The following TIAM2 variants were observed in gnomAD, a reference collection of about 807,000 sequenced individuals.
TIAM2 encodes the protein TIAM Rac1 associated GEF 2.
Under a neutral mutation model 152.9 loss-of-function variants are expected in TIAM2, and 80 were observed. The observed-to-expected ratio is 0.52, with a 90% CI of 0.44 to 0.63. The LOEUF is 0.63. TIAM2 is among the 30% of genes least tolerant of loss of function. TIAM2 has a pLI of 0.00. For missense variants in TIAM2, 1,965 were observed against 2,120.1 expected (o/e 0.93, Z 1.44); for synonymous variants, 804 against 838.0 (o/e 0.96, Z 0.70).
intron 1 of TIAM2, among the ~76,000 whole-genome samples, chr6:155,028,690 AAT>A (rs573743428): frequency 3.1e-5 from 4 of 127,114 alleles, no homozygotes; most frequent in African/African-American, 1.3e-4. Context: ...TACTACATAT[AAT>A]ATATATACTG....
intron 7 of TIAM2, among the ~76,000 whole-genome samples, chr6:155,151,148 T>C (rs1473286879): frequency 6.6e-6 from 1 of 152,210 alleles, no homozygotes; most frequent in Non-Finnish European, 1.5e-5. Flanking sequence ...ATGGCAAGCC[T>C]GACTCCGGGT....
chr6:155,221,586 A>G (rs933408545), intron 15 of TIAM2, among the ~76,000 whole-genome samples: 1 of 152,208 alleles, frequency 6.6e-6, no homozygotes, highest in African/African-American at 2.4e-5. Flanking sequence ...GCAAACAGAA[A>G]GCCAAGTTCA....
intron 25 of TIAM2, 153 bp downstream of exon 25, chr6:155,254,213 A>C: frequency 5.1e-6 from 5 of 981,054 alleles, no homozygotes; most frequent in Non-Finnish European, 7.5e-6. Context: ...CTAGTAGGAG[A>C]CTATGTTGAT....
intron 4 of TIAM2, among the ~76,000 whole-genome samples, chr6:155,135,428 G>A (rs1005684127): frequency 6.6e-6 from 1 of 152,122 alleles, no homozygotes; most frequent in African/African-American, 2.4e-5. Context: ...AAGCCCACTA[G>A]CAGCTGAGTA....
rs1396202662 is a variant in TIAM2, at chr6:155,256,707, G to C, written c.4692G>C (p.Glu1564Asp). 6.2e-7 allele frequency: 1 copy of C among 1,614,108 alleles called. No individual in the cohort carries two copies. The highest frequency in any genetic ancestry group is 8.5e-7 in the Non-Finnish European group (1 of 1,180,054). ...LADFADNLIK[E>D]SDILSDEDDD... ...ATTTTGCCGACAATCTCATCAAAGA[G>C]AGTGACATCCTGAGCGATGAAGATG... The change falls in exon 27 of 27, where the codon GAG becomes GAC. Residue 1564 changes from glutamate to aspartate, a missense_variant. This residue lies in a region of TIAM2 where 935 missense variants were observed against 980.0 expected (regional missense o/e 0.95). Coordinates refer to ENST00000682666, the MANE Select transcript of TIAM2 (RefSeq NM_012454.4).
At chr6:155,149,094 G>A (rs936574287) in intron 7 of TIAM2, 2 of 167,164 alleles carry the variant, frequency 1.2e-5, no homozygotes, top group African/African-American at 4.8e-5. Context: ...GGAGGGACAA[G>A]TTGCATTGTG....
chr6:155,249,090 G>A (rs1326510228), intron 20 of TIAM2, among the ~76,000 whole-genome samples: 3 of 152,030 alleles, frequency 2.0e-5, no homozygotes, highest in African/African-American at 7.2e-5. Context: ...ATCTTTAGAA[G>A]GGTTTGATTT....
intron 9 of TIAM2, among the ~76,000 whole-genome samples, chr6:155,175,969 A>C (rs1196857539): frequency 6.6e-6 from 1 of 152,244 alleles, no homozygotes; most frequent in African/African-American, 2.4e-5. Context: ...GATTTCTGTC[A>C]GTGATGAGTC....
chr6:155,176,865 G>A lies in TIAM2; in HGVS notation c.2411G>A (p.Arg804Gln), dbSNP rs747478623. ...IYGSTVDGVP[R>Q]DNAWEIQTYV... ...GGTTCAACAGTAGACGGTGTTCCCC[G>A]AGACAATGCATGGGAAATCCAGACT... The change falls in exon 10 of 27, where the codon CGA becomes CAA. Residue 804 changes from arginine (R) to glutamine (Q), a missense_variant. Around this residue, in one of 3 missense-constraint regions of TIAM2, gnomAD observed 1,025 missense variants for 1,119.4 expected, o/e 0.92. Transcript: ENST00000682666. The A allele has an allele frequency of 1.2e-5, 20 of 1,613,914 alleles. No homozygotes were observed. In the African/African-American group the frequency reaches 2.0e-4, roughly 16 times the overall value.
chr6:155,042,859 T>C (rs1376960539), intron 1 of TIAM2, among the ~76,000 whole-genome samples: 1 of 152,158 alleles, frequency 6.6e-6, no homozygotes, highest in South Asian at 2.1e-4. Flanking sequence ...ATAGAGCTCT[T>C]GAACTTACTC....
intron 14 of TIAM2, among the ~76,000 whole-genome samples, chr6:155,198,343 A>G (rs1244625478): frequency 1.3e-5 from 2 of 152,200 alleles, no homozygotes; most frequent in Non-Finnish European, 2.9e-5. Context: ...GTAAATAGCT[A>G]TTGAGTGAAA....
intron 1 of TIAM2, among the ~76,000 whole-genome samples, chr6:155,046,492 C>T (rs550642329): frequency 8.5e-5 from 13 of 152,052 alleles, no homozygotes; most frequent in South Asian, 4.2e-4. Flanking sequence ...TGTGCCACCA[C>T]GCTGGGCTGA....
intron 1 of TIAM2, among the ~76,000 whole-genome samples, chr6:155,034,951 T>C (rs952855404): frequency 3.3e-5 from 5 of 152,222 alleles, no homozygotes; most frequent in Admixed American, 1.3e-4. Context: ...TATTTTTTAA[T>C]GTTTACAGGA....
chr6:155,178,163 A>AT (rs1308108465), intron 10 of TIAM2, among the ~76,000 whole-genome samples: 6 of 141,072 alleles, frequency 4.3e-5, no homozygotes, highest in Non-Finnish European at 9.2e-5. Flanking sequence ...TCCGTCTCAA[A>AT]TTAAAAAAAA....
intron 6 of TIAM2, among the ~76,000 whole-genome samples, chr6:155,145,700 A>C (rs1052257327): frequency 6.6e-6 from 1 of 152,154 alleles, no homozygotes; most frequent in Non-Finnish European, 1.5e-5. Flanking sequence ...GCTTGGGTTT[A>C]GATCTCTCAT....
intron 1 of TIAM2, among the ~76,000 whole-genome samples, chr6:155,065,982 G>A (rs1777685377): frequency 1.3e-5 from 2 of 152,214 alleles, no homozygotes; most frequent in South Asian, 4.2e-4. Context: ...AGGTATAAAG[G>A]TATTTGATGC....
intron 6 of TIAM2, among the ~76,000 whole-genome samples, chr6:155,146,677 C>CCT (rs1388250383): frequency 6.6e-6 from 1 of 151,914 alleles, no homozygotes; most frequent in East Asian, 1.9e-4. Flanking sequence ...CTCACTGCAA[C>CCT]CTCTGCCTCC....
At chr6:155,092,694 A>G (rs182271729) in intron 2 of TIAM2, among the ~76,000 whole-genome samples, 110 of 152,110 alleles carry the variant, frequency 7.2e-4, no homozygotes, top group African/African-American at 2.5e-3. Flanking sequence ...CGTCTCTACT[A>G]AAAATACAAA....
chr6:155,213,013 A>G lies in TIAM2; in HGVS notation c.3168+1706A>G, dbSNP rs1295162312. ...TGCCAGGAACCGCTGAGCCCCAAAGAGGGTGGCATAGCCCTGGTTCTGGGA... is the reference window on the plus strand; with the variant it reads ...TGCCAGGAACCGCTGAGCCCCAAAGGGGGTGGCATAGCCCTGGTTCTGGGA... On this transcript the variant is annotated intron_variant, in intron 15 of 26. Transcript: ENST00000682666. This position sits in a 1 kb window ranked among gnomAD's most constrained non-coding sequence, Gnocchi z 4.2. Among the ~76,000 whole-genome samples the G allele has an allele frequency of 6.6e-6, 1 of 152,118 alleles. No individual in the cohort carries two copies. The highest frequency in any genetic ancestry group is 1.5e-5 in the Non-Finnish European group (1 of 67,996).
Sources: gnomAD v4.1 joint callset for allele counts (sites outside exome capture counted in the v4.1 genomes callset) on GRCh38, gnomAD v4.1.1 for gene constraint, gnomAD v4.1.1 regional missense constraint, Gnocchi (gnomAD v3.1) non-coding constraint, MANE v1.5 for transcripts, NCBI Gene and HGNC (gene_info 2026-07-23, HGNC 2026-07-21) for gene names.